AFG2A: variants seen among roughly 807,000 people sequenced by gnomAD.
The protein encoded by AFG2A is AAA ATPase AFG2A.
chr4:122,963,605 T>C, the AFG2A span, among the ~76,000 whole-genome samples: 2 of 152,186 alleles, frequency 1.3e-5, no homozygotes, highest in Admixed American at 1.3e-4. Flanking sequence ...ATAGTGGAAC[T>C]AGGATCAACA....
At chr4:122,970,306 G>T in the AFG2A span, among the ~76,000 whole-genome samples, 1 of 152,004 alleles carries the variant, frequency 6.6e-6, no homozygotes, top group African/African-American at 2.4e-5. Context: ...ATAGTAACAT[G>T]CCTTACAGGT....
the AFG2A span, among the ~76,000 whole-genome samples, chr4:123,181,306 C>T: frequency 2.0e-5 from 3 of 151,458 alleles, no homozygotes; most frequent in Non-Finnish European, 4.4e-5. Context: ...TTTTTTTTTA[C>T]AGCCCTTTAA....
chr4:123,201,076 T>C, the AFG2A span, among the ~76,000 whole-genome samples: 116 of 152,376 alleles, frequency 7.6e-4, 1 homozygote, highest in Non-Finnish European at 5.1e-4. Flanking sequence ...CTTCCTTGCC[T>C]ATGTTCTTTA....
At chr4:123,240,738 G>A in the AFG2A span, among the ~76,000 whole-genome samples, 4 of 151,450 alleles carry the variant, frequency 2.6e-5, no homozygotes, top group South Asian at 8.3e-4. Context: ...GAAGAAAGAG[G>A]AAACATACAA....
At chr4:123,282,355 G>T in the AFG2A span, among the ~76,000 whole-genome samples, 1 of 152,116 alleles carries the variant, frequency 6.6e-6, no homozygotes, top group Non-Finnish European at 1.5e-5. Flanking sequence ...CTTTCACGTG[G>T]ATAGTTAGGA....
the AFG2A span, among the ~76,000 whole-genome samples, chr4:123,248,342 C>T: frequency 6.6e-6 from 1 of 152,184 alleles, no homozygotes; most frequent in East Asian, 1.9e-4. Flanking sequence ...TAAAGTCATT[C>T]TTCTCCCAGT....
chr4:123,018,389 A>T, the AFG2A span, among the ~76,000 whole-genome samples: 1 of 152,184 alleles, frequency 6.6e-6, no homozygotes, highest in Non-Finnish European at 1.5e-5. Flanking sequence ...GGTAGTTATG[A>T]TATATTGTAA....
At chr4:123,204,939 A>T in the AFG2A span, among the ~76,000 whole-genome samples, 31 of 152,306 alleles carry the variant, frequency 2.0e-4, no homozygotes, top group East Asian at 1.9e-3. Flanking sequence ...ATACAATGGA[A>T]ATTGGCAATC....
chr4:122,998,377 T>C, the AFG2A span, among the ~76,000 whole-genome samples: 1 of 152,110 alleles, frequency 6.6e-6, no homozygotes, highest in Admixed American at 6.6e-5. Context: ...TAGTTAAATA[T>C]GTATACATGT....
the AFG2A span, among the ~76,000 whole-genome samples, chr4:122,931,457 G>A: frequency 1.3e-5 from 2 of 151,986 alleles, no homozygotes; most frequent in South Asian, 4.2e-4. Context: ...GTATGTGTGT[G>A]TATATACATA....
chr4:122,972,084 A>G, the AFG2A span, among the ~76,000 whole-genome samples: 3 of 152,160 alleles, frequency 2.0e-5, no homozygotes, highest in Admixed American at 1.3e-4. Flanking sequence ...AATTAATGTC[A>G]TATTCATCCT....
chr4:122,970,104 C>T, the AFG2A span, among the ~76,000 whole-genome samples: 1 of 152,200 alleles, frequency 6.6e-6, no homozygotes, highest in Non-Finnish European at 1.5e-5. Flanking sequence ...TGGGCCTTCA[C>T]ATTTGCTCAG....
the AFG2A span, chr4:123,028,279 C>A: frequency 6.2e-7 from 1 of 1,614,114 alleles, no homozygotes; most frequent in Non-Finnish European, 8.5e-7. Flanking sequence ...GTCTTTCATT[C>A]GAATGGGTAT....
At chr4:123,061,231 C>T in the AFG2A span, among the ~76,000 whole-genome samples, 2 of 152,146 alleles carry the variant, frequency 1.3e-5, no homozygotes, top group Non-Finnish European at 2.9e-5. Context: ...CAAACTGTAC[C>T]AACCTTCACC....
At chr4:123,122,379 C>T in the AFG2A span, among the ~76,000 whole-genome samples, 1 of 152,276 alleles carries the variant, frequency 6.6e-6, no homozygotes. Context: ...TATATGTGCT[C>T]AACACTTACA....
At chr4:123,123,727 C>G in the AFG2A span, among the ~76,000 whole-genome samples, 1 of 151,608 alleles carries the variant, frequency 6.6e-6, no homozygotes, top group Non-Finnish European at 1.5e-5. Context: ...ACGGGTGGAT[C>G]ACGAGGTCAG....
chr4:123,256,825 A>T, the AFG2A span: 1 of 983,858 alleles, frequency 1.0e-6, no homozygotes. Flanking sequence ...TCTCCTTACC[A>T]ACTCTTTACT....
At chr4:123,067,721 T>C in the AFG2A span, among the ~76,000 whole-genome samples, 1 of 152,340 alleles carries the variant, frequency 6.6e-6, no homozygotes, top group African/African-American at 2.4e-5. Flanking sequence ...AAATTTTTAG[T>C]ACTGGAAAAT....
the AFG2A span, among the ~76,000 whole-genome samples, chr4:123,037,957 A>G: frequency 6.6e-6 from 1 of 152,078 alleles, no homozygotes. Flanking sequence ...GACTTTTGGC[A>G]TATTACTCAG....
Sources: allele counts gnomAD v4.1 joint callset (sites outside exome capture counted in the v4.1 genomes callset), GRCh38; gene constraint gnomAD v4.1.1; transcripts MANE v1.5; gene names NCBI Gene and HGNC (gene_info 2026-07-23, HGNC 2026-07-21).